Variants in FKBP1B observed in about 807,000 individuals in gnomAD.
The protein encoded by FKBP1B is peptidyl-prolyl cis-trans isomerase FKBP1B.
Under a neutral mutation model 13.5 loss-of-function variants are expected in FKBP1B, and 4 were observed. The observed-to-expected ratio is 0.30, with a 90% CI of 0.15 to 0.68. FKBP1B has a LOEUF of 0.68. Among genes scored for constraint, FKBP1B ranks in the 30% least tolerant of loss-of-function variants. The pLI is 0.76. For synonymous variants in FKBP1B, 54 were observed against 53.6 expected (o/e 1.01, Z -0.03); for missense variants, 93 against 136.2 (o/e 0.68, Z 1.58).
Position 24,063,479 on chromosome 2 carries a change from T to TTAATGATACGG in FKBP1B, c.*287_*288insTAATGATACGG. 5 of 328,396 alleles carry TTAATGATACGG rather than the reference T, an allele frequency of 1.5e-5. No individual in the cohort carries two copies. Among genetic ancestry groups the TTAATGATACGG allele is most frequent in the South Asian group, 2.1e-4 (2 of 9,630 alleles). The allele number at this position is 328,396 out of a possible 1,614,324, so 20.3% of individuals were successfully genotyped here. On this transcript the variant is annotated 3_prime_UTR_variant, in exon 4 of 4. Coordinates refer to ENST00000380986, the MANE Select transcript of FKBP1B (RefSeq NM_004116.5). ...TGATGACAGAACACAGATCTCTTGT[T>TTAATGATACGG]CGCACAATCTACACTGCCTTACCTT...
At chr2:24,034,354 AG>A in the FKBP1B span, among the ~76,000 whole-genome samples, 1 of 152,194 alleles carries the variant, frequency 6.6e-6, no homozygotes, top group African/African-American at 2.4e-5. Context: ...CAGGAGGCGG[AG>A]GTTGCAGTGA....
At chr2:24,047,648 A>G (rs143565017), upstream of FKBP1B, among the ~76,000 whole-genome samples, 1 of 152,056 alleles carries the variant, frequency 6.6e-6, no homozygotes. Flanking sequence ...TCCCTTAAGC[A>G]CTTGAGCTCT....
chr2:24,039,441 T>G, the FKBP1B span: 1 of 1,614,252 alleles, frequency 6.2e-7, no homozygotes, highest in East Asian at 2.2e-5. Flanking sequence ...GATGCACTGC[T>G]TGATGCAACG....
At chr2:24,044,261 CT>C in the FKBP1B span, among the ~76,000 whole-genome samples, 1 of 149,200 alleles carries the variant, frequency 6.7e-6, no homozygotes, top group South Asian at 2.1e-4. Flanking sequence ...CATAAGTTTA[CT>C]GAGGTTTTTT....
intron 2 of FKBP1B, among the ~76,000 whole-genome samples, chr2:24,057,965 G>T (rs1262476938): frequency 6.6e-6 from 1 of 152,062 alleles, no homozygotes; most frequent in Non-Finnish European, 1.5e-5. Context: ...GGGAGGCCAA[G>T]GCAGGTGGAT....
the FKBP1B span, among the ~76,000 whole-genome samples, chr2:24,043,231 G>T: frequency 1.3e-5 from 2 of 152,172 alleles, no homozygotes; most frequent in African/African-American, 4.8e-5. Context: ...AGCTACTTGG[G>T]AGGCTGAGAC....
At chr2:24,054,614 C>A (rs148509315) in intron 2 of FKBP1B, 355 of 169,050 alleles carry the variant, frequency 2.1e-3, no homozygotes, top group Admixed American at 5.5e-3. Context: ...ACAGCAAGCC[C>A]AGGTTAATTC....
At chr2:24,056,990 C>T (rs895412464) in intron 2 of FKBP1B, among the ~76,000 whole-genome samples, 11 of 152,014 alleles carry the variant, frequency 7.2e-5, no homozygotes, top group African/African-American at 1.2e-4. Context: ...GGTGCCCGGC[C>T]GGTTGTCTTT....
the FKBP1B span, chr2:24,038,261 T>C: frequency 1.2e-6 from 2 of 1,614,138 alleles, no homozygotes; most frequent in African/African-American, 2.7e-5. Context: ...GGAAGAAATG[T>C]TGTATCAGTG....
In FKBP1B at chr2:24,063,485, A is replaced by G; in HGVS notation, c.*293A>G. Reference sequence around the variant, plus strand: ...CAGAACACAGATCTCTTGTTCGCACAATCTACACTGCCTTACCTTCACTTA... The same window carrying G: ...CAGAACACAGATCTCTTGTTCGCACGATCTACACTGCCTTACCTTCACTTA... On this transcript the variant is annotated 3_prime_UTR_variant, in exon 4 of 4. Coordinates refer to ENST00000380986, the MANE Select transcript of FKBP1B (RefSeq NM_004116.5). 6.3e-6 allele frequency: 2 copies of G among 318,038 alleles called. No homozygotes were observed. The highest frequency in any genetic ancestry group is 5.7e-6 in the Non-Finnish European group (1 of 174,746). 19.7% of individuals were successfully genotyped at this position (318,038 alleles called of 1,614,324 possible). A position where few individuals can be genotyped will look rare whatever the true frequency, so the allele number is the denominator to read the frequency against.
chr2:24,045,549 C>T (rs1663584651), upstream of FKBP1B, among the ~76,000 whole-genome samples: 1 of 146,452 alleles, frequency 6.8e-6, no homozygotes, highest in African/African-American at 2.5e-5. Flanking sequence ...TGCAGTGAGC[C>T]GAGTTTGCGC....
At chr2:24,049,447 A>T, upstream of FKBP1B, 5 of 171,938 alleles carry the variant, frequency 2.9e-5, no homozygotes, top group East Asian at 2.5e-4. Context: ...ACAAGTCTGT[A>T]GGACTGGGTT....
Position 24,063,576 on chromosome 2 carries a change from C to G in FKBP1B, c.*384C>G, listed in dbSNP as rs1664500488. 1 of 241,944 alleles carries G rather than the reference C, an allele frequency of 4.1e-6. No homozygotes were observed. 15.0% of individuals were successfully genotyped at this position (241,944 alleles called of 1,614,324 possible). A position where few individuals can be genotyped will look rare whatever the true frequency, so the allele number is the denominator to read the frequency against. ...CGTACCGTACACAGAGGGACTTGAG[C>G]CAGTTACCTTTGCTGTCACTTTCTC... is the stretch of plus-strand genomic sequence containing the variant. On this transcript the variant is annotated 3_prime_UTR_variant, in exon 4 of 4. Coordinates refer to ENST00000380986, the MANE Select transcript of FKBP1B (RefSeq NM_004116.5).
chr2:24,045,584 G>C (rs1663586572), upstream of FKBP1B, among the ~76,000 whole-genome samples: 1 of 120,764 alleles, frequency 8.3e-6, no homozygotes, highest in Non-Finnish European at 1.6e-5. Flanking sequence ...CTGGGTGACA[G>C]AGCAAGACTC....
chr2:24,063,462 G>GTT lies in FKBP1B; in HGVS notation c.*270_*271insTT. On this transcript the variant is annotated 3_prime_UTR_variant, in exon 4 of 4. Coordinates refer to ENST00000380986, the MANE Select transcript of FKBP1B (RefSeq NM_004116.5). ...CATGTAGTAGCCTTTCCTGATGACAGAACACAGATCTCTTGTTCGCACAAT... is the reference window on the plus strand; with the variant it reads ...CATGTAGTAGCCTTTCCTGATGACAGTTAACACAGATCTCTTGTTCGCACAAT... 1 of 370,070 alleles carries GTT rather than the reference G, an allele frequency of 2.7e-6. No individual in the cohort carries two copies. The highest frequency in any genetic ancestry group is 7.6e-5 in the South Asian group (1 of 13,158). 22.9% of individuals were successfully genotyped at this position (370,070 alleles called of 1,614,324 possible).
chr2:24,038,753 G>C, the FKBP1B span: 1 of 1,614,154 alleles, frequency 6.2e-7, no homozygotes, highest in Non-Finnish European at 8.5e-7. Context: ...AAAGCATACG[G>C]AGTCATGTCT....
At chr2:24,040,054 G>A in the FKBP1B span, among the ~76,000 whole-genome samples, 1 of 152,064 alleles carries the variant, frequency 6.6e-6, no homozygotes, top group Admixed American at 6.6e-5. Context: ...ACCCACCTCA[G>A]CCTCCCAAAG....
At chr2:24,040,815 G>A in the FKBP1B span, among the ~76,000 whole-genome samples, 1 of 152,090 alleles carries the variant, frequency 6.6e-6, no homozygotes, top group Admixed American at 6.6e-5. Flanking sequence ...TTGGGAGTTC[G>A]ATCCCAGCCT....
the FKBP1B span, chr2:24,039,266 G>A: frequency 6.2e-7 from 1 of 1,614,222 alleles, no homozygotes; most frequent in Non-Finnish European, 8.5e-7. Context: ...TGGACAGCGA[G>A]TAGAACAGGT....
Sources: gnomAD v4.1 joint callset for allele counts (sites outside exome capture counted in the v4.1 genomes callset) on GRCh38, gnomAD v4.1.1 for gene constraint, MANE v1.5 for transcripts, NCBI Gene and HGNC (gene_info 2026-07-23, HGNC 2026-07-21) for gene names.